RXRA: variants seen among roughly 807,000 people sequenced by gnomAD.
RXRA encodes retinoid X receptor alpha.
In RXRA, 5 loss-of-function variants were observed where a neutral mutation model predicts 44.5. The observed-to-expected ratio is 0.11, with a 90% CI of 0.06 to 0.24. RXRA has a LOEUF of 0.24. RXRA is among the 10% of genes least tolerant of loss of function. RXRA has a pLI of 1.00. For missense variants in RXRA, 412 were observed against 646.5 expected (o/e 0.64, Z 3.93); for synonymous variants, 291 against 271.4 (o/e 1.07, Z -0.71).
At chr9:134,376,020 A>G (rs1830552206) in intron 1 of RXRA, among the ~76,000 whole-genome samples, 1 of 135,244 alleles carries the variant, frequency 7.4e-6, no homozygotes, top group Non-Finnish European at 1.6e-5. Flanking sequence ...CCTTCTCCGC[A>G]TGCGGGCAGA....
intron 7 of RXRA, among the ~76,000 whole-genome samples, chr9:134,431,365 T>C (rs1219289035): frequency 1.3e-5 from 2 of 152,170 alleles, no homozygotes; most frequent in African/African-American, 2.4e-5. Flanking sequence ...GGATTTTTTT[T>C]CTCTGGTGAC....
intron 1 of RXRA, among the ~76,000 whole-genome samples, chr9:134,369,394 G>A (rs1288384766): frequency 5.7e-5 from 7 of 122,258 alleles, no homozygotes; most frequent in African/African-American, 1.6e-4. Context: ...GGGAGTACAG[G>A]GGTTGTGTGT....
At chr9:134,380,797 G>A (rs34732599) in intron 1 of RXRA, among the ~76,000 whole-genome samples, 98,050 of 151,834 alleles carry the variant, frequency 0.65, 32,437 homozygotes, top group East Asian at 0.78. Context: ...CAGAGGAAAG[G>A]CCTCCTCCAG....
intron 1 of RXRA, among the ~76,000 whole-genome samples, chr9:134,350,677 C>G (rs185925261): frequency 6.6e-6 from 1 of 152,248 alleles, no homozygotes; most frequent in African/African-American, 2.4e-5. Context: ...CCCTTCCCCA[C>G]GGAGAAGCCA....
At chr9:134,385,399 C>G (rs1830704743) in intron 1 of RXRA, among the ~76,000 whole-genome samples, 1 of 152,216 alleles carries the variant, frequency 6.6e-6, no homozygotes, top group African/African-American at 2.4e-5. Flanking sequence ...AGGCGGGTTC[C>G]ATCCAGAGCT....
At chr9:134,420,511 G>C (rs1302223069) in intron 5 of RXRA, among the ~76,000 whole-genome samples, 3 of 152,198 alleles carry the variant, frequency 2.0e-5, no homozygotes, top group Non-Finnish European at 4.4e-5. Flanking sequence ...CGAGGGTCCT[G>C]GCGAGTCTCT....
Position 134,400,267 on chromosome 9 carries a change from C to G in RXRA, c.29-1365C>G, listed in dbSNP as rs566687470. Among the ~76,000 whole-genome samples, 292 of 152,330 alleles carry G rather than the reference C, an allele frequency of 1.9e-3. 1 individual carries two copies. Among genetic ancestry groups the G allele is most frequent in the African/African-American group, 6.6e-3 (276 of 41,580 alleles). On this transcript the variant is annotated intron_variant, in intron 1 of 9. Transcript: ENST00000481739. Reference sequence around the variant, plus strand: ...AGCGAGTGAGCCAGTGCCCTGGACACAGCTGCTCTGAGGCTTGGGGAGGTG... The same window carrying G: ...AGCGAGTGAGCCAGTGCCCTGGACAGAGCTGCTCTGAGGCTTGGGGAGGTG...
chr9:134,395,517 G>A (rs1236296245), intron 1 of RXRA, among the ~76,000 whole-genome samples: 1 of 152,210 alleles, frequency 6.6e-6, no homozygotes, highest in Non-Finnish European at 1.5e-5. Context: ...GAGCAGTTGC[G>A]GGCTGCAGTG....
rs1728881037 is a variant in RXRA at position 134,326,613 on chromosome 9, G to C, written c.-19G>C. 9 of 960,802 alleles carry C rather than the reference G, an allele frequency of 9.4e-6. No homozygotes were observed. The highest frequency in any genetic ancestry group is 6.4e-5 in the Admixed American group (1 of 15,516). 59.5% of individuals were successfully genotyped at this position (960,802 alleles called of 1,614,324 possible). ...GCCCGCTGCCTGCGCCGCCGGCCGG[G>C]CATGAGTTAGTCGCAGACATGGACA... On this transcript the variant is annotated 5_prime_UTR_variant, in exon 1 of 10. Transcript: ENST00000481739.
chr9:134,352,768 C>A (rs1365351394), intron 1 of RXRA, among the ~76,000 whole-genome samples: 1 of 152,178 alleles, frequency 6.6e-6, no homozygotes, highest in Admixed American at 6.5e-5. Flanking sequence ...GCTCGCATGC[C>A]TGTCTGGGCT....
At chr9:134,401,321 G>T (rs1830955073) in intron 1 of RXRA, 1 of 417,458 alleles carries the variant, frequency 2.4e-6, no homozygotes, top group Admixed American at 4.3e-5. Flanking sequence ...CGGGCCTGGA[G>T]TGCTGAGGGT....
intron 9 of RXRA, among the ~76,000 whole-genome samples, chr9:134,435,068 G>A (rs997901649): frequency 3.9e-5 from 6 of 152,176 alleles, no homozygotes; most frequent in Non-Finnish European, 5.9e-5. Flanking sequence ...GGCCCATCTC[G>A]CCAGCTCAGC....
chr9:134,399,928 G>A (rs1251672103), intron 1 of RXRA, among the ~76,000 whole-genome samples: 1 of 152,240 alleles, frequency 6.6e-6, no homozygotes, highest in Non-Finnish European at 1.5e-5. Flanking sequence ...GAGGGGGTGT[G>A]TGGAGCAGGC....
At chr9:134,392,655 C>T (rs545280763) in intron 1 of RXRA, among the ~76,000 whole-genome samples, 7 of 152,264 alleles carry the variant, frequency 4.6e-5, no homozygotes, top group Admixed American at 2.6e-4. Context: ...CCTGAATTCT[C>T]GCTTACCCTA....
At chr9:134,392,575 C>G (rs533102751) in intron 1 of RXRA, among the ~76,000 whole-genome samples, 2 of 152,188 alleles carry the variant, frequency 1.3e-5, no homozygotes, top group Non-Finnish European at 2.9e-5. Flanking sequence ...TCCTCCTTGG[C>G]GCTGGCTGGG....
At chr9:134,331,721 C>T (rs1473934163) in intron 1 of RXRA, among the ~76,000 whole-genome samples, 1 of 152,246 alleles carries the variant, frequency 6.6e-6, no homozygotes, top group East Asian at 1.9e-4. Flanking sequence ...TGGATGGGGA[C>T]ACTGAACCCT....
chr9:134,348,794 T>TTCATGTGCCTC (rs1830186016), intron 1 of RXRA, among the ~76,000 whole-genome samples: 2 of 97,702 alleles, frequency 2.0e-5, no homozygotes, highest in Admixed American at 2.0e-4. Context: ...GTCAGAAGAC[T>TTCATGTGCCTC]TCCCGGACGC....
At chr9:134,337,530 T>A (rs2119019942) in intron 1 of RXRA, among the ~76,000 whole-genome samples, 1 of 152,316 alleles carries the variant, frequency 6.6e-6, no homozygotes, top group East Asian at 1.9e-4. Context: ...AAGGTATCCC[T>A]GACCCCAGTC....
At chr9:134,345,736 C>G (rs539315670) in intron 1 of RXRA, among the ~76,000 whole-genome samples, 74 of 152,306 alleles carry the variant, frequency 4.9e-4, no homozygotes, top group Non-Finnish European at 8.1e-4. Context: ...CTATATCTCC[C>G]CAGCCCCAGC....
Sources: gnomAD v4.1 joint callset for allele counts (sites outside exome capture counted in the v4.1 genomes callset) on GRCh38, gnomAD v4.1.1 for gene constraint, MANE v1.5 for transcripts, NCBI Gene and HGNC (gene_info 2026-07-23, HGNC 2026-07-21) for gene names.